ATP13A3: variants seen among roughly 807,000 people sequenced by gnomAD.
ATP13A3 encodes the protein ATPase 13A3.
Under a neutral mutation model 158.1 loss-of-function variants are expected in ATP13A3, and 59 were observed. The observed-to-expected ratio is 0.37, with a 90% CI of 0.30 to 0.46. The LOEUF is 0.46. Among genes scored for constraint, ATP13A3 ranks in the 20% least tolerant of loss-of-function variants. The pLI is 1.00. For missense variants in ATP13A3, 1,166 were observed against 1,525.2 expected (o/e 0.76, Z 3.92); for synonymous variants, 491 against 504.3 (o/e 0.97, Z 0.35).
At chr3:194,444,277 T>C (rs1356801950) in intron 15 of ATP13A3, among the ~76,000 whole-genome samples, 1 of 152,150 alleles carries the variant, frequency 6.6e-6, no homozygotes, top group African/African-American at 2.4e-5. Context: ...AAAAACAGAA[T>C]TGTCCCTTAG....
At chr3:194,477,419 G>A (rs1458624281) in intron 2 of ATP13A3, among the ~76,000 whole-genome samples, 1 of 152,150 alleles carries the variant, frequency 6.6e-6, no homozygotes, top group Admixed American at 6.5e-5. Flanking sequence ...GGCAAAATTT[G>A]ACAACAAAGT....
In ATP13A3 at chr3:194,413,684, C is replaced by G. The variant is rs1715603133; in HGVS notation, c.3483+75G>C. On this transcript the variant is annotated intron_variant, in intron 32 of 33. Transcript: ENST00000645319. ...GGCTTTCCATTATATTACCTGCCCT[C>G]TTCTCCCATTTACCATTAAATCACC... 3 of 1,290,796 alleles carry G rather than the reference C, an allele frequency of 2.3e-6. No individual in the cohort carries two copies. In the East Asian group the frequency reaches 6.9e-5, roughly 30 times the overall value. 80.0% of individuals were successfully genotyped at this position (1,290,796 alleles called of 1,614,324 possible). A position where few individuals can be genotyped will look rare whatever the true frequency, so the allele number is the denominator to read the frequency against.
intron 28 of ATP13A3, among the ~76,000 whole-genome samples, chr3:194,427,562 G>A (rs995387527): frequency 4.0e-5 from 6 of 151,624 alleles, no homozygotes; most frequent in African/African-American, 9.7e-5. Context: ...AATTTGGGAG[G>A]CCACAGTGGG....
In ATP13A3 at chr3:194,481,889, C is replaced by T. The variant is rs561590239; in HGVS notation, c.-47+3905G>A. ...TAAGTGTAAGAATCAACAAAAAAGA[C>T]AAAATTCTGATTAACAGATTAATTT... On this transcript the variant is annotated intron_variant, in intron 2 of 33. Coordinates refer to ENST00000645319, the MANE Select transcript of ATP13A3 (RefSeq NM_001367549.1). 5.3e-5 allele frequency among the ~76,000 whole-genome samples: 8 copies of T among 152,302 alleles called. No homozygotes were observed. In the East Asian group the frequency reaches 5.8e-4, roughly 11 times the overall value.
chr3:194,471,324 TAAAAAAAAAA>T (rs59967046), intron 2 of ATP13A3, among the ~76,000 whole-genome samples: 76 of 88,104 alleles, frequency 8.6e-4, no homozygotes, highest in African/African-American at 2.4e-3. Context: ...CAGCAAATTC[TAAAAAAAAAA>T]AAAAAAAAAA....
chr3:194,421,155 A>T (rs868321519), intron 30 of ATP13A3, among the ~76,000 whole-genome samples: 4 of 25,876 alleles, frequency 1.5e-4, no homozygotes, highest in African/African-American at 2.3e-4. Context: ...ATATATATAT[A>T]TATATATATA....
intron 2 of ATP13A3, among the ~76,000 whole-genome samples, chr3:194,465,728 C>T (rs1244354733): frequency 1.3e-5 from 2 of 152,068 alleles, no homozygotes; most frequent in Non-Finnish European, 2.9e-5. Context: ...CTTTGGGAGG[C>T]TGGTGCGGGC....
chr3:194,415,242 AT>A (rs1291947087), intron 31 of ATP13A3, among the ~76,000 whole-genome samples: 1 of 152,190 alleles, frequency 6.6e-6, no homozygotes, highest in African/African-American at 2.4e-5. Flanking sequence ...AGAAAAGTCC[AT>A]TGGACTTAAC....
chr3:194,452,963 T>C (rs574706212), intron 10 of ATP13A3: 4 of 152,132 alleles, frequency 2.6e-5, no homozygotes, highest in Non-Finnish European at 5.9e-5. Context: ...TTTATATAAA[T>C]AAATGAATTT....
chr3:194,476,860 A>C (rs1341413830), intron 2 of ATP13A3, among the ~76,000 whole-genome samples: 1 of 151,998 alleles, frequency 6.6e-6, no homozygotes, highest in East Asian at 1.9e-4. Flanking sequence ...TACAACGCAC[A>C]ACATGATGTA....
At chr3:194,472,636 C>T (rs997439807) in intron 2 of ATP13A3, among the ~76,000 whole-genome samples, 8 of 152,120 alleles carry the variant, frequency 5.3e-5, no homozygotes, top group African/African-American at 1.9e-4. Flanking sequence ...ACCCAGCAAT[C>T]CCATTACTAG....
At chr3:194,423,243 T>C (rs753927950) in intron 30 of ATP13A3, among the ~76,000 whole-genome samples, 93 of 152,184 alleles carry the variant, frequency 6.1e-4, no homozygotes, top group African/African-American at 2.1e-3. Flanking sequence ...AAGTTTAATT[T>C]AGATTAAAAG....
intron 13 of ATP13A3, 121 bp downstream of exon 13, chr3:194,447,731 T>C: frequency 1.1e-6 from 1 of 887,604 alleles, no homozygotes. Flanking sequence ...TTAAATTAAT[T>C]AAAATTAAAT....
At chr3:194,435,488 G>A (rs542593545) in intron 20 of ATP13A3, among the ~76,000 whole-genome samples, 3 of 152,094 alleles carry the variant, frequency 2.0e-5, no homozygotes, top group Admixed American at 6.5e-5. Context: ...CAGAGGTCTC[G>A]GTGGAAGAGT....
Position 194,453,733 on chromosome 3 carries a change from T to G in ATP13A3, c.811A>C (p.Arg271=). Residue 271 remains arginine, a synonymous_variant, in exon 10 of 34, where the codon AGA becomes CGA. Coordinates refer to ENST00000645319, the MANE Select transcript of ATP13A3 (RefSeq NM_001367549.1). ...HDMVATHSTV[R]VSVCRVNEEI... ...TCATTTACTCTACAAACTGAAACTC[T>G]TACGGTACTATGAGTTGCCACCATG... is the stretch of plus-strand genomic sequence containing the variant. 6.2e-7 allele frequency: 1 copy of G among 1,613,552 alleles called. No homozygotes were observed. The highest frequency in any genetic ancestry group is 8.5e-7 in the Non-Finnish European group (1 of 1,179,494).
chr3:194,414,266 T>C (rs61592579), intron 31 of ATP13A3, among the ~76,000 whole-genome samples: 48,830 of 151,872 alleles, frequency 0.32, 9,673 homozygotes, highest in African/African-American at 0.56. Context: ...AGTTTGAGCC[T>C]AGCCTGGGCA....
rs372075979 is a variant in ATP13A3, at chr3:194,448,082, C to CTTT, written c.1151-76_1151-74dup. 6.9e-5 allele frequency: 77 copies of CTTT among 1,121,208 alleles called. No homozygotes were observed. Among genetic ancestry groups the CTTT allele is most frequent in the South Asian group, 6.3e-4 (43 of 68,336 alleles). The allele number at this position is 1,121,208 out of a possible 1,614,324, so 69.5% of individuals were successfully genotyped here. On this transcript the variant is annotated intron_variant, in intron 12 of 33. Transcript: ENST00000645319. This position sits in a 1 kb window ranked among gnomAD's most constrained non-coding sequence, Gnocchi z 4.0. ...AATTATCTCCCAAAACAGAATCTCT[C>CTTT]TTTTTTTTTTTTTGAGACAGAGTCT...
intron 2 of ATP13A3, among the ~76,000 whole-genome samples, chr3:194,479,368 T>C (rs1243602913): frequency 1.3e-5 from 2 of 152,188 alleles, no homozygotes; most frequent in African/African-American, 4.8e-5. Flanking sequence ...CTTTACATTT[T>C]ACTTAGTATA....
intron 31 of ATP13A3, among the ~76,000 whole-genome samples, chr3:194,415,614 T>C (rs1471756148): frequency 2.0e-5 from 3 of 151,740 alleles, no homozygotes; most frequent in Non-Finnish European, 2.9e-5. Flanking sequence ...CCTATAAATA[T>C]ATATTTGTCT....
Sources: allele counts gnomAD v4.1 joint callset (sites outside exome capture counted in the v4.1 genomes callset), GRCh38; gene constraint gnomAD v4.1.1; non-coding constraint Gnocchi (gnomAD v3.1); transcripts MANE v1.5; gene names NCBI Gene and HGNC (gene_info 2026-07-23, HGNC 2026-07-21).